BRIP1: variants seen among roughly 807,000 people sequenced by gnomAD.
The protein encoded by BRIP1 is Fanconi anemia group J protein.
In BRIP1, 88 loss-of-function variants were observed where a neutral mutation model predicts 119.7. The ratio of observed to expected loss-of-function variants is 0.74; its 90% CI spans 0.62 to 0.88. The LOEUF (loss-of-function observed/expected upper bound fraction) is 0.88. BRIP1 is among the 40% of genes least tolerant of loss of function. The pLI is 0.00. For synonymous variants in BRIP1, 443 were observed against 496.5 expected, an observed-to-expected ratio of 0.89 and a Z score of 1.43; for missense variants, 1,259 against 1,455.4, an observed-to-expected ratio of 0.87 and a Z score of 2.20.
intron 6 of BRIP1, among the ~76,000 whole-genome samples, chr17:61,812,186 C>T (rs2078172827): frequency 6.6e-6 from 1 of 152,114 alleles, no homozygotes; most frequent in African/African-American, 2.4e-5. Flanking sequence ...TTTATGGCCT[C>T]TCTCTGAAAC....
At position 61,734,147 on chromosome 17, in the gene BRIP1, A is replaced by G. The variant is rs78018686; in HGVS notation, c.2379+8866T>C. On this transcript the variant is annotated intron_variant, in intron 16 of 19. Coordinates refer to ENST00000259008, the MANE Select transcript of BRIP1 (RefSeq NM_032043.3). This position sits in a 1 kb window ranked among gnomAD's most constrained non-coding sequence, Gnocchi z 5.2. Reference sequence around the variant, plus strand: ...CTCACAAACTATGTCCATGTCACCAATTGGAGAGGTGGATGCCTCAATTAT... The same window carrying G: ...CTCACAAACTATGTCCATGTCACCAGTTGGAGAGGTGGATGCCTCAATTAT... Among the ~76,000 whole-genome samples, 10 of 152,338 alleles carry G rather than the reference A, an allele frequency of 6.6e-5. No homozygotes were observed. The East Asian group carries it at 7.7e-4, about 12-fold the overall frequency.
In BRIP1 at chr17:61,856,972, C is replaced by G; in HGVS notation, c.379+86G>C. ...GAGATATATAATCAGTTATGCTAACCAAACTTATATAAATTAGGGCTTATA... is the reference window on the plus strand; with the variant it reads ...GAGATATATAATCAGTTATGCTAACGAAACTTATATAAATTAGGGCTTATA... On this transcript the variant is annotated intron_variant, in intron 4 of 19. Transcript: ENST00000259008. This position sits in a 1 kb window ranked among gnomAD's most constrained non-coding sequence, Gnocchi z 5.1. 7.3e-7 allele frequency: 1 copy of G among 1,360,714 alleles called. No individual in the cohort carries two copies. Among genetic ancestry groups the G allele is most frequent in the Non-Finnish European group, 1.1e-6 (1 of 951,816 alleles). 84.3% of individuals were successfully genotyped at this position (1,360,714 alleles called of 1,614,324 possible). A position where few individuals can be genotyped will look rare whatever the true frequency, so the allele number is the denominator to read the frequency against.
At position 61,828,142 on chromosome 17, in the gene BRIP1, T is replaced by C. The variant is rs564077615; in HGVS notation, c.627+18959A>G. Among the ~76,000 whole-genome samples the C allele has an allele frequency of 7.1e-4, 108 of 152,246 alleles. No homozygotes were observed. Among genetic ancestry groups the C allele is most frequent in the Non-Finnish European group, 1.3e-3 (86 of 68,004 alleles). ...AGCATTATTCAAAATAGCAAAAAGA[T>C]GGAAACAACCCAGATGTCCACTGGC... On this transcript the variant is annotated intron_variant, in intron 6 of 19. Transcript: ENST00000259008. This position sits in a 1 kb window ranked among gnomAD's most constrained non-coding sequence, Gnocchi z 4.1.
At chr17:61,702,669 T>C (rs985597550) in intron 17 of BRIP1, among the ~76,000 whole-genome samples, 1 of 152,198 alleles carries the variant, frequency 6.6e-6, no homozygotes, top group African/African-American at 2.4e-5. Flanking sequence ...AGTATTCCAT[T>C]GTGTATATGT....
chr17:61,780,348 T>C lies in BRIP1; in HGVS notation c.1848A>G (p.Thr616=), dbSNP rs1603333238. The C allele has an allele frequency of 1.2e-6, 2 of 1,610,778 alleles. No homozygotes were observed. Among genetic ancestry groups the C allele is most frequent in the Non-Finnish European group, 1.7e-6 (2 of 1,176,984 alleles). ...ACGAAAAGGATTTCATTGGTGATAA[T>C]GTACCAGATGTCAAAACAATGGTCT... The part of the protein sequence containing the change: ...KVQTIVLTSG[T]LSPMKSFSSE... Residue 616 remains threonine, a synonymous_variant, in exon 13 of 20, where the codon ACA becomes ACG. Coordinates refer to ENST00000259008, the MANE Select transcript of BRIP1 (RefSeq NM_032043.3). This position sits in a 1 kb window ranked among gnomAD's most constrained non-coding sequence, Gnocchi z 5.4.
rs914118198 is a variant in BRIP1, at chr17:61,767,781, T to A, written c.2097+8620A>T. ...TCTGCAACCAGTCTTTACATTACATTTTCACACATGCCAAGCTAAACTCTG... is the reference window on the plus strand; with the variant it reads ...TCTGCAACCAGTCTTTACATTACATATTCACACATGCCAAGCTAAACTCTG... On this transcript the variant is annotated intron_variant, in intron 14 of 19. Transcript: ENST00000259008. This position sits in a 1 kb window ranked among gnomAD's most constrained non-coding sequence, Gnocchi z 5.7. Among the ~76,000 whole-genome samples the A allele has an allele frequency of 6.6e-6, 1 of 152,140 alleles. No homozygotes were observed. Among genetic ancestry groups the A allele is most frequent in the Non-Finnish European group, 1.5e-5 (1 of 68,018 alleles).
chr17:61,756,246 C>T lies in BRIP1; in HGVS notation c.2098-11655G>A, dbSNP rs974999180. ...TATTTCTGTCTTGCCAGAGAAATCA[C>T]ATAAATAAACACAAAAATAACTCAA... On this transcript the variant is annotated intron_variant, in intron 14 of 19. Coordinates refer to ENST00000259008, the MANE Select transcript of BRIP1 (RefSeq NM_032043.3). This position sits in a 1 kb window ranked among gnomAD's most constrained non-coding sequence, Gnocchi z 4.3. Among the ~76,000 whole-genome samples, 1 of 152,130 alleles carries T rather than the reference C, an allele frequency of 6.6e-6. No homozygotes were observed. Among genetic ancestry groups the T allele is most frequent in the African/African-American group, 2.4e-5 (1 of 41,434 alleles).
In BRIP1 at chr17:61,793,434, C is replaced by T. The variant is rs1378046719; in HGVS notation, c.1473+163G>A. Among the ~76,000 whole-genome samples the T allele has an allele frequency of 6.6e-6, 1 of 151,910 alleles. No individual in the cohort carries two copies. The highest frequency in any genetic ancestry group is 2.4e-5 in the African/African-American group (1 of 41,354). On this transcript the variant is annotated intron_variant, in intron 10 of 19. Transcript: ENST00000259008. This position sits in a 1 kb window ranked among gnomAD's most constrained non-coding sequence, Gnocchi z 5.2. ...TATTTTCACCCACAATTTACCCATGCCATCACTTAAAGATTATCAAATTTA... is the reference window on the plus strand; with the variant it reads ...TATTTTCACCCACAATTTACCCATGTCATCACTTAAAGATTATCAAATTTA...
chr17:61,686,460 A>G lies in BRIP1; in HGVS notation c.2576-295T>C, dbSNP rs902465423. Among the ~76,000 whole-genome samples, 2 of 152,156 alleles carry G rather than the reference A, an allele frequency of 1.3e-5. No homozygotes were observed. The highest frequency in any genetic ancestry group is 4.8e-5 in the African/African-American group (2 of 41,448). ...CTCTGGTTAAGAATAACTGGTGAAC[A>G]TGGCAAATTTAATTTCATCATAATT... On this transcript the variant is annotated intron_variant, in intron 18 of 19. Coordinates refer to ENST00000259008, the MANE Select transcript of BRIP1 (RefSeq NM_032043.3). This position sits in a 1 kb window ranked among gnomAD's most constrained non-coding sequence, Gnocchi z 5.4.
chr17:61,743,201 A>C lies in BRIP1; in HGVS notation c.2258-67T>G, dbSNP rs1277786696. ...TGCTTATTCTTGTCATTTTGAAAAT[A>C]CCTGATTTATAATTATAGTAATTAC... is the stretch of plus-strand genomic sequence containing the variant. On this transcript the variant is annotated intron_variant, in intron 15 of 19. Coordinates refer to ENST00000259008, the MANE Select transcript of BRIP1 (RefSeq NM_032043.3). The surrounding 1 kb of genome is among the most constrained non-coding windows in gnomAD (Gnocchi z 4.3). 1 of 1,539,108 alleles carries C rather than the reference A, an allele frequency of 6.5e-7. No individual in the cohort carries two copies. The highest frequency in any genetic ancestry group is 1.4e-5 in the African/African-American group (1 of 72,686).
Position 61,795,767 on chromosome 17 carries a change from A to G in BRIP1, c.1341-2038T>C, listed in dbSNP as rs1408670876. ...CTGATTTCCTTTATTTTGGGTATAT[A>G]TCTAGCAGTGGGATTGCTGGATCGT... is the stretch of plus-strand genomic sequence containing the variant. On this transcript the variant is annotated intron_variant, in intron 9 of 19. Coordinates refer to ENST00000259008, the MANE Select transcript of BRIP1 (RefSeq NM_032043.3). The surrounding 1 kb of genome is among the most constrained non-coding windows in gnomAD (Gnocchi z 5.6). 1.3e-5 allele frequency among the ~76,000 whole-genome samples: 2 copies of G among 152,128 alleles called. No individual in the cohort carries two copies. Among genetic ancestry groups the G allele is most frequent in the Non-Finnish European group, 2.9e-5 (2 of 68,000 alleles).
rs2077789937 is a variant in BRIP1, at chr17:61,789,914, C to T, written c.1473+3683G>A. ...TTTCTTTGTGCCATTCTGTATTTTC[C>T]AGTTTTTTTCCCTTGACATACATTT... On this transcript the variant is annotated intron_variant, in intron 10 of 19. Coordinates refer to ENST00000259008, the MANE Select transcript of BRIP1 (RefSeq NM_032043.3). The surrounding 1 kb of genome is among the most constrained non-coding windows in gnomAD (Gnocchi z 4.8). 6.6e-6 allele frequency among the ~76,000 whole-genome samples: 1 copy of T among 152,036 alleles called. No homozygotes were observed. The highest frequency in any genetic ancestry group is 6.6e-5 in the Admixed American group (1 of 15,256).
chr17:61,772,791 C>G (rs537793777), intron 14 of BRIP1, among the ~76,000 whole-genome samples: 3 of 127,874 alleles, frequency 2.3e-5, no homozygotes, highest in Admixed American at 1.0e-4. Context: ...GCACTCCAGA[C>G]TGGGCAACAA....
chr17:61,720,894 A>G lies in BRIP1; in HGVS notation c.2380-4831T>C, dbSNP rs1479401854. The stretch of plus-strand genomic sequence containing the variant: ...AGTCTCGCTCCATTGCCCAGGCTGG[A>G]GTGCAGTGACATGATCTTGGCTCAC... On this transcript the variant is annotated intron_variant, in intron 16 of 19. Coordinates refer to ENST00000259008, the MANE Select transcript of BRIP1 (RefSeq NM_032043.3). This position sits in a 1 kb window ranked among gnomAD's most constrained non-coding sequence, Gnocchi z 4.3. Among the ~76,000 whole-genome samples the G allele has an allele frequency of 2.0e-5, 3 of 152,016 alleles. No individual in the cohort carries two copies. The highest frequency in any genetic ancestry group is 2.0e-4 in the Admixed American group (3 of 15,266).
At chr17:61,711,384 TC>T (rs200041963) in intron 17 of BRIP1, among the ~76,000 whole-genome samples, 5 of 151,522 alleles carry the variant, frequency 3.3e-5, no homozygotes, top group African/African-American at 1.2e-4. Context: ...ATATTAAAAT[TC>T]AAAAAAAAAA....
chr17:61,728,507 G>C (rs1427129194), intron 16 of BRIP1, among the ~76,000 whole-genome samples: 3 of 152,156 alleles, frequency 2.0e-5, no homozygotes, highest in Non-Finnish European at 4.4e-5. Flanking sequence ...GCAGAAAAGA[G>C]AAAGTTCAAA....
chr17:61,762,815 A>C lies in BRIP1; in HGVS notation c.2097+13586T>G, dbSNP rs370838581. ...ACAGCCATTATAAAAAACTGAATGG[A>C]CATTACTCAAAACACTCAAAACAGA... is the stretch of plus-strand genomic sequence containing the variant. On this transcript the variant is annotated intron_variant, in intron 14 of 19. Coordinates refer to ENST00000259008, the MANE Select transcript of BRIP1 (RefSeq NM_032043.3). This position sits in a 1 kb window ranked among gnomAD's most constrained non-coding sequence, Gnocchi z 4.3. Among the ~76,000 whole-genome samples the C allele has an allele frequency of 7.9e-5, 12 of 152,136 alleles. No homozygotes were observed. The East Asian group carries it at 2.1e-3, about 27-fold the overall frequency.
At position 61,808,981 on chromosome 17, in the gene BRIP1, G is replaced by T. The variant is rs755862664; in HGVS notation, c.628-224C>A. On this transcript the variant is annotated intron_variant, in intron 6 of 19. Transcript: ENST00000259008. This position sits in a 1 kb window ranked among gnomAD's most constrained non-coding sequence, Gnocchi z 4.1. Reference sequence around the variant, plus strand: ...AGTTATAAATGATATTTCCAAATTTGCATTCTTTCCAACATACCACTCTAA... The same window carrying T: ...AGTTATAAATGATATTTCCAAATTTTCATTCTTTCCAACATACCACTCTAA... 3.9e-5 allele frequency among the ~76,000 whole-genome samples: 6 copies of T among 152,068 alleles called. No individual in the cohort carries two copies. The highest frequency in any genetic ancestry group is 7.4e-5 in the Non-Finnish European group (5 of 67,994).
Position 61,799,443 on chromosome 17 carries a change from T to A in BRIP1, c.1141-144A>T. 2 of 678,726 alleles carry A rather than the reference T, an allele frequency of 2.9e-6. No individual in the cohort carries two copies. The highest frequency in any genetic ancestry group is 1.9e-5 in the South Asian group (1 of 52,316). 42.0% of individuals were successfully genotyped at this position (678,726 alleles called of 1,614,324 possible). On this transcript the variant is annotated intron_variant, in intron 8 of 19. Transcript: ENST00000259008. The surrounding 1 kb of genome is among the most constrained non-coding windows in gnomAD (Gnocchi z 5.1). ...AGCAACAGAGATTCTAGGTCTTAAATAAAACTTCTGAAGCACTATGGCCAA... is the reference window on the plus strand; with the variant it reads ...AGCAACAGAGATTCTAGGTCTTAAAAAAAACTTCTGAAGCACTATGGCCAA...
Sources: allele counts gnomAD v4.1 joint callset (sites outside exome capture counted in the v4.1 genomes callset), GRCh38; gene constraint gnomAD v4.1.1; non-coding constraint Gnocchi (gnomAD v3.1); transcripts MANE v1.5; gene names NCBI Gene and HGNC (gene_info 2026-07-23, HGNC 2026-07-21).